The following BLNK variants were observed in gnomAD, a reference collection of about 807,000 sequenced individuals.
BLNK encodes B cell linker, also known as B-cell linker protein.
BLNK carries 29 observed loss-of-function variants against 73.5 expected under a neutral mutation model. That is an observed-to-expected ratio of 0.39 (90% CI 0.29 to 0.54). The LOEUF (loss-of-function observed/expected upper bound fraction) is 0.54, where lower values mean the gene tolerates loss of function less well. Ranked by LOEUF, BLNK falls within the 20% of genes least tolerant of loss-of-function variation. BLNK has a pLI of 0.61. For missense variants in BLNK, 460 were observed against 562.8 expected (o/e 0.82, Z 1.85); for synonymous variants, 176 against 200.8 (o/e 0.88, Z 1.04).
chr10:96,216,774 A>G (rs1554899984), intron 6 of BLNK, 40 bp from the exon 7 acceptor site: 1 of 1,554,708 alleles, frequency 6.4e-7, no homozygotes, highest in South Asian at 1.1e-5. Flanking sequence ...AATGCTGTAC[A>G]TTCATAGTTG....
chr10:96,226,405 G>A (rs1554902473), intron 5 of BLNK, among the ~76,000 whole-genome samples: 1 of 152,190 alleles, frequency 6.6e-6, no homozygotes, highest in Non-Finnish European at 1.5e-5. Context: ...TGTAAGGAGG[G>A]GGTTAATGGC....
intron 3 of BLNK, among the ~76,000 whole-genome samples, chr10:96,231,864 G>A (rs76891456): frequency 0.018 from 2,747 of 152,308 alleles, 97 homozygotes; most frequent in African/African-American, 0.062. Context: ...TGCCTTCCAC[G>A]GGCATGCGCT....
chr10:96,236,966 C>T (rs1349744162), intron 3 of BLNK, among the ~76,000 whole-genome samples: 1 of 152,248 alleles, frequency 6.6e-6, no homozygotes, highest in Non-Finnish European at 1.5e-5. Context: ...CACCTCACTG[C>T]ATGACCTCAG....
chr10:96,259,234 CAT>C (rs759049912), intron 1 of BLNK, among the ~76,000 whole-genome samples: 2 of 152,246 alleles, frequency 1.3e-5, no homozygotes, highest in Non-Finnish European at 2.9e-5. Flanking sequence ...TACTGTGACA[CAT>C]GTGCCCCCAC....
chr10:96,269,301 C>T (rs1554914950), intron 1 of BLNK, among the ~76,000 whole-genome samples: 3 of 151,964 alleles, frequency 2.0e-5, no homozygotes, highest in East Asian at 1.9e-4. Context: ...TGGACTTTGT[C>T]CCAAAGGGAG....
intron 4 of BLNK, among the ~76,000 whole-genome samples, chr10:96,229,935 C>T (rs1196487053): frequency 6.6e-6 from 1 of 152,044 alleles, no homozygotes; most frequent in Non-Finnish European, 1.5e-5. Flanking sequence ...GGTCTGAGTC[C>T]TGGGTTCTCA....
intron 8 of BLNK, among the ~76,000 whole-genome samples, chr10:96,214,207 G>A (rs1405180386): frequency 6.6e-6 from 1 of 152,246 alleles, no homozygotes; most frequent in East Asian, 1.9e-4. Flanking sequence ...AGAGGGAGAG[G>A]AAATGCCTGT....
At chr10:96,254,428 G>A (rs375345021) in intron 1 of BLNK, among the ~76,000 whole-genome samples, 32 of 152,318 alleles carry the variant, frequency 2.1e-4, no homozygotes, top group African/African-American at 7.2e-4. Flanking sequence ...TCTCTTCCCA[G>A]GCAGCCTGGT....
intron 8 of BLNK, among the ~76,000 whole-genome samples, chr10:96,213,622 A>C (rs2083997397): frequency 8.4e-6 from 1 of 118,650 alleles, no homozygotes; most frequent in Non-Finnish European, 1.8e-5. Flanking sequence ...GGTGCTTGTA[A>C]GGCAGTGTGT....
At chr10:96,244,449 G>T (rs1368345259) in intron 2 of BLNK, among the ~76,000 whole-genome samples, 1 of 152,150 alleles carries the variant, frequency 6.6e-6, no homozygotes, top group African/African-American at 2.4e-5. Context: ...GGAATAAAAG[G>T]CGTAGTTGAA....
At position 96,215,485 on chromosome 10, in the gene BLNK, A is replaced by G. The variant is rs2084044168; in HGVS notation, c.608-96T>C. ...GAGGAAAATTCACACTCAGGGAAAA[A>G]TGATGACCAGACCAGAGAATTTGCA... On this transcript the variant is annotated intron_variant, in intron 7 of 16. Transcript: ENST00000224337. The G allele has an allele frequency of 3.4e-6, 4 of 1,171,202 alleles. No individual in the cohort carries two copies. In the South Asian group the frequency reaches 6.1e-5, roughly 18 times the overall value. The allele number at this position is 1,171,202 out of a possible 1,614,324, so 72.6% of individuals were successfully genotyped here.
At position 96,196,954 on chromosome 10, in the gene BLNK, T is replaced by C; in HGVS notation, c.1205A>G (p.Glu402Gly). 6.2e-7 allele frequency: 1 copy of C among 1,613,630 alleles called. No homozygotes were observed. The change falls in exon 16 of 17, where the codon GAA (glutamate) becomes GGA (glycine). Residue 402 changes from glutamate (E) to glycine (G), a missense_variant. Physicochemically the swap from Glu to Gly is moderately conservative, Grantham distance 98. This residue lies in a region of BLNK where 88 missense variants were observed against 143.4 expected (regional missense o/e 0.61). Transcript: ENST00000224337. Reference sequence around the variant, plus strand: ...GCCCAAGGCATATTGTTTTGTTGCTTCAATAAATCGCACAGGAATATTATA... The same window carrying C: ...GCCCAAGGCATATTGTTTTGTTGCTCCAATAAATCGCACAGGAATATTATA... ...RVYNIPVRFIEATKQYALGRK... is the reference protein window; with the variant it reads ...RVYNIPVRFIGATKQYALGRK...
chr10:96,215,621 T>G (rs1373325043), intron 7 of BLNK, among the ~76,000 whole-genome samples: 1 of 152,204 alleles, frequency 6.6e-6, no homozygotes, highest in Non-Finnish European at 1.5e-5. Context: ...TGATATATTA[T>G]TATTTGATTA....
At chr10:96,209,761 GA>G (rs1252393393) in intron 9 of BLNK, 76 bp downstream of exon 9, 10 of 1,554,400 alleles carry the variant, frequency 6.4e-6, no homozygotes, top group Non-Finnish European at 8.0e-6. Flanking sequence ...AACTTCTAAT[GA>G]AGTCAACAGG....
At chr10:96,261,252 A>C (rs1437544346) in intron 1 of BLNK, among the ~76,000 whole-genome samples, 2 of 152,180 alleles carry the variant, frequency 1.3e-5, no homozygotes, top group African/African-American at 2.4e-5. Context: ...AATTGTGGTA[A>C]AACATACATA....
chr10:96,213,792 G>T lies in BLNK; in HGVS notation c.676+1529C>A, dbSNP rs116844749. Among the ~76,000 whole-genome samples, 1,509 of 152,248 alleles carry T rather than the reference G, an allele frequency of 9.9e-3. 13 individuals are homozygous for T. Among genetic ancestry groups the T allele is most frequent in the Middle Eastern group, 0.017 (5 of 294 alleles). On this transcript the variant is annotated intron_variant, in intron 8 of 16. Transcript: ENST00000224337. ...CAACAGCCCTCATCCTGAGTTATCG[G>T]GAGTTAGGAGTCTCCATTTCTGCTG...
intron 4 of BLNK, 126 bp from the exon 5 acceptor site, chr10:96,227,692 A>T (rs1424394892): frequency 1.4e-6 from 2 of 1,445,102 alleles, no homozygotes; most frequent in Non-Finnish European, 1.9e-6. Flanking sequence ...TTGACTTCAA[A>T]AGGCTAGGCA....
At chr10:96,235,653 G>A (rs1842663657) in intron 3 of BLNK, among the ~76,000 whole-genome samples, 1 of 152,214 alleles carries the variant, frequency 6.6e-6, no homozygotes, top group Non-Finnish European at 1.5e-5. Flanking sequence ...AGAAAGGTGT[G>A]CCCAGTGACA....
intron 9 of BLNK, among the ~76,000 whole-genome samples, 199 bp downstream of exon 9, chr10:96,209,639 C>T (rs1257678411): frequency 2.6e-5 from 4 of 152,182 alleles, no homozygotes; most frequent in African/African-American, 4.8e-5. Flanking sequence ...GTGAGCTGCC[C>T]GCCTTGGCCT....
Sources: gnomAD v4.1 joint callset for allele counts (sites outside exome capture counted in the v4.1 genomes callset) on GRCh38, gnomAD v4.1.1 for gene constraint, gnomAD v4.1.1 regional missense constraint, MANE v1.5 for transcripts, NCBI Gene and HGNC (gene_info 2026-07-23, HGNC 2026-07-21) for gene names.